Variants in GIPC2 observed in about 807,000 individuals in gnomAD.
GIPC2 encodes the protein GIPC PDZ domain containing family member 2, also known as PDZ domain-containing protein GIPC2.
In GIPC2, 30 loss-of-function variants were observed where a neutral mutation model predicts 30.6. The observed-to-expected ratio is 0.98, with a 90% CI of 0.73 to 1.33. The LOEUF is 1.33. Among genes scored for constraint, GIPC2 ranks in the 40% most tolerant of loss-of-function variants. The probability of loss-of-function intolerance (pLI) is 0.00; values close to 1 mark genes in which losing one functional copy is unlikely to be tolerated. For synonymous variants in GIPC2, 167 were observed against 150.0 expected (o/e 1.11, Z -0.83); for missense variants, 414 against 390.3 (o/e 1.06, Z -0.51).
chr1:78,064,962 C>G (rs1319795510), intron 1 of GIPC2, among the ~76,000 whole-genome samples: 1 of 152,002 alleles, frequency 6.6e-6, no homozygotes, highest in African/African-American at 2.4e-5. Flanking sequence ...CCAGGCTGGT[C>G]TCAAACTCCT....
At chr1:78,064,934 A>G (rs515662) in intron 1 of GIPC2, among the ~76,000 whole-genome samples, 34,260 of 151,822 alleles carry the variant, frequency 0.23, 4,188 homozygotes, top group East Asian at 0.49. Context: ...TTGTAGAGAC[A>G]GGGTTTTACT....
intron 3 of GIPC2, among the ~76,000 whole-genome samples, chr1:78,118,968 T>C (rs1557549082): frequency 6.6e-6 from 1 of 152,142 alleles, no homozygotes; most frequent in African/African-American, 2.4e-5. Context: ...TCTCTCTTTT[T>C]TTTCCTTTAA....
intron 1 of GIPC2, among the ~76,000 whole-genome samples, chr1:78,060,190 T>C (rs1661366655): frequency 6.6e-6 from 1 of 152,164 alleles, no homozygotes; most frequent in Non-Finnish European, 1.5e-5. Context: ...TCTCTTTTTT[T>C]TTTTTGAGAC....
At chr1:78,121,119 T>A (rs182818321) in intron 4 of GIPC2, among the ~76,000 whole-genome samples, 7 of 152,174 alleles carry the variant, frequency 4.6e-5, no homozygotes, top group Non-Finnish European at 8.8e-5. Context: ...TATAGGTCAG[T>A]GTTTGAGTGA....
At chr1:78,045,551 C>G (rs1298917929), upstream of GIPC2, 4 of 985,210 alleles carry the variant, frequency 4.1e-6, no homozygotes, top group Middle Eastern at 5.2e-4. Flanking sequence ...ATGAATACAA[C>G]GTAGCACCAA....
At chr1:78,095,901 A>C (rs1662129169) in intron 3 of GIPC2, among the ~76,000 whole-genome samples, 1 of 152,238 alleles carries the variant, frequency 6.6e-6, no homozygotes, top group Admixed American at 6.5e-5. Context: ...CACAGAACAT[A>C]AATATTCCAT....
At chr1:78,045,537 G>C (rs1661051801), upstream of GIPC2, 1 of 984,986 alleles carries the variant, frequency 1.0e-6, no homozygotes, top group African/African-American at 1.7e-5. Flanking sequence ...GGCTGAGGGG[G>C]TTTATGAATA....
intron 2 of GIPC2, chr1:78,094,710 TCC>T: frequency 3.6e-6 from 1 of 281,430 alleles, no homozygotes; most frequent in Non-Finnish European, 6.7e-6. Context: ...TGCTCAGTCT[TCC>T]ATCTCTAACT....
intron 1 of GIPC2, among the ~76,000 whole-genome samples, chr1:78,061,947 C>A (rs1045271853): frequency 6.6e-5 from 10 of 152,070 alleles, no homozygotes; most frequent in African/African-American, 2.4e-4. Flanking sequence ...ACATATTTGA[C>A]CCTCTGTAGG....
chr1:78,058,130 TTATAG>T (rs1297403867), intron 1 of GIPC2, among the ~76,000 whole-genome samples: 1 of 152,162 alleles, frequency 6.6e-6, no homozygotes, highest in African/African-American at 2.4e-5. Context: ...AAGCATGGAA[TTATAG>T]TATAGCTTAG....
intron 3 of GIPC2, among the ~76,000 whole-genome samples, chr1:78,102,017 A>G (rs1662258566): frequency 2.0e-5 from 3 of 152,202 alleles, no homozygotes; most frequent in Admixed American, 1.3e-4. Context: ...TTATCCTGCA[A>G]ATTTCCAATT....
chr1:78,112,415 G>A, intron 3 of GIPC2: 1 of 518,776 alleles, frequency 1.9e-6, no homozygotes, highest in Non-Finnish European at 3.8e-6. Flanking sequence ...CTTCCCTCTG[G>A]GCATCTTTGG....
At chr1:78,116,327 C>A (rs1158349001) in intron 3 of GIPC2, among the ~76,000 whole-genome samples, 1 of 152,160 alleles carries the variant, frequency 6.6e-6, no homozygotes, top group Admixed American at 6.5e-5. Context: ...GGTGGGAACA[C>A]AGAGCCAAAC....
intron 1 of GIPC2, among the ~76,000 whole-genome samples, chr1:78,079,164 T>C (rs1661780476): frequency 6.6e-6 from 1 of 152,220 alleles, no homozygotes; most frequent in South Asian, 2.1e-4. Context: ...AAGGGTTAAA[T>C]TGAAGGCTCA....
chr1:78,110,837 A>T (rs1410503934), intron 3 of GIPC2, among the ~76,000 whole-genome samples: 1 of 152,174 alleles, frequency 6.6e-6, no homozygotes, highest in Non-Finnish European at 1.5e-5. Context: ...GAAGCATGGG[A>T]GCCCACTTGG....
intron 3 of GIPC2, among the ~76,000 whole-genome samples, chr1:78,110,766 G>A (rs1006500730): frequency 6.6e-6 from 1 of 152,184 alleles, no homozygotes; most frequent in Non-Finnish European, 1.5e-5. Context: ...GTCTTTACCT[G>A]TGATGGTTGA....
At chr1:78,130,353 TG>T (rs1662870512) in intron 5 of GIPC2, among the ~76,000 whole-genome samples, 1 of 152,064 alleles carries the variant, frequency 6.6e-6, no homozygotes, top group Admixed American at 6.6e-5. Context: ...CCACCTGCCT[TG>T]GCCTCCCAAA....
chr1:78,126,337 G>T (rs1446204842), intron 5 of GIPC2, among the ~76,000 whole-genome samples: 2 of 152,096 alleles, frequency 1.3e-5, no homozygotes, highest in Non-Finnish European at 2.9e-5. Flanking sequence ...CTTTAACAGG[G>T]TTACTGAAGC....
rs1045542288 is a variant in GIPC2, at chr1:78,081,590, C to T, written c.426+730C>T. Among the ~76,000 whole-genome samples the T allele has an allele frequency of 3.9e-5, 6 of 152,106 alleles. No homozygotes were observed. In the South Asian group the frequency reaches 6.2e-4, roughly 16 times the overall value. ...TCCTGGAACCAATCCCCCATGGATA[C>T]CCAGGGCCAACTGTAATTCCTTTAT... On this transcript the variant is annotated intron_variant, in intron 2 of 5. Coordinates refer to ENST00000370759, the MANE Select transcript of GIPC2 (RefSeq NM_017655.6).
Sources: gnomAD v4.1 joint callset for allele counts (sites outside exome capture counted in the v4.1 genomes callset) on GRCh38, gnomAD v4.1.1 for gene constraint, MANE v1.5 for transcripts, NCBI Gene and HGNC (gene_info 2026-07-23, HGNC 2026-07-21) for gene names.